The following ZNF821 variants were observed in gnomAD, a reference collection of about 807,000 sequenced individuals.
ZNF821 encodes the protein zinc finger protein 821.
A neutral mutation model predicts 44.3 loss-of-function variants in ZNF821; 16 were observed. The observed-to-expected ratio is 0.36, with a 90% confidence interval of 0.24 to 0.55. ZNF821 has a LOEUF of 0.55. Ranked by LOEUF, ZNF821 falls within the 20% of genes least tolerant of loss-of-function variation. The pLI is 0.86. For missense variants in ZNF821, 436 were observed against 547.6 expected (o/e 0.80, Z 2.03); for synonymous variants, 204 against 197.6 (o/e 1.03, Z -0.27).
At chr16:71,861,475 A>T (rs2033891652) in intron 7 of ZNF821, among the ~76,000 whole-genome samples, 1 of 152,238 alleles carries the variant, frequency 6.6e-6, no homozygotes, top group Admixed American at 6.5e-5. Context: ...CTGCATCCTC[A>T]TGCCAGGGTC....
chr16:71,866,198 G>C (rs555105806), intron 4 of ZNF821, among the ~76,000 whole-genome samples: 7 of 152,298 alleles, frequency 4.6e-5, no homozygotes, highest in Non-Finnish European at 8.8e-5. Flanking sequence ...AGATTTCCTA[G>C]CTAACAGTGT....
upstream of ZNF821, among the ~76,000 whole-genome samples, chr16:71,887,152 T>C (rs2036862303): frequency 6.6e-6 from 1 of 152,226 alleles, no homozygotes; most frequent in Non-Finnish European, 1.5e-5. Flanking sequence ...TGAACATTTG[T>C]GTACAGTTTT....
At chr16:71,868,905 G>A (rs1466490680) in intron 3 of ZNF821, among the ~76,000 whole-genome samples, 1 of 151,918 alleles carries the variant, frequency 6.6e-6, no homozygotes, top group Non-Finnish European at 1.5e-5. Context: ...CTCATGATCC[G>A]CCCGCCTCGG....
chr16:71,888,462 T>TG (rs544063908), upstream of ZNF821, among the ~76,000 whole-genome samples: 200 of 152,036 alleles, frequency 1.3e-3, no homozygotes, highest in African/African-American at 4.7e-3. Flanking sequence ...GAGGCCGGGG[T>TG]GGGGGGCAAT....
At chr16:71,884,968 G>A (rs113896508), upstream of ZNF821, among the ~76,000 whole-genome samples, 2 of 149,918 alleles carry the variant, frequency 1.3e-5, no homozygotes, top group African/African-American at 4.9e-5. Context: ...AGCGATTCTC[G>A]TGCTTCAGCC....
intron 2 of ZNF821, among the ~76,000 whole-genome samples, chr16:71,882,665 C>T (rs751217756): frequency 5.4e-4 from 82 of 151,996 alleles, no homozygotes; most frequent in Non-Finnish European, 9.7e-4. Context: ...AATTACAGTC[C>T]CCTCCCACAC....
chr16:71,859,914 G>T lies in ZNF821; in HGVS notation c.*104C>A, dbSNP rs1376550486. ...AATAAACCCAGGCCTGCCTCTGGCA[G>T]CAAGGACAGGGCCTCGTGGGTGGCA... On this transcript the variant is annotated 3_prime_UTR_variant, in exon 8 of 8. Coordinates refer to ENST00000425432, the MANE Select transcript of ZNF821 (RefSeq NM_001201552.2). 3 of 1,302,854 alleles carry T rather than the reference G, an allele frequency of 2.3e-6. No individual in the cohort carries two copies. Among genetic ancestry groups the T allele is most frequent in the East Asian group, 2.6e-5 (1 of 38,680 alleles). The allele number at this position is 1,302,854 out of a possible 1,614,324, so 80.7% of individuals were successfully genotyped here.
intron 4 of ZNF821, among the ~76,000 whole-genome samples, chr16:71,867,686 CAA>C (rs879563055): frequency 3.6e-5 from 5 of 140,154 alleles, no homozygotes; most frequent in Non-Finnish European, 1.6e-5. Flanking sequence ...AACTCTGTCA[CAA>C]AAAAAAAAAA....
At chr16:71,862,932 C>G (rs2034078444) in intron 6 of ZNF821, among the ~76,000 whole-genome samples, 1 of 151,956 alleles carries the variant, frequency 6.6e-6, no homozygotes, top group South Asian at 2.1e-4. Flanking sequence ...CTCGTTTTGT[C>G]ACCCAGGCTG....
At chr16:71,880,544 G>A (rs1324910182) in intron 2 of ZNF821, 5 of 152,352 alleles carry the variant, frequency 3.3e-5, no homozygotes, top group African/African-American at 1.2e-4. Context: ...GTCTCAAATA[G>A]GCATCTGTAA....
intron 6 of ZNF821, 96 bp downstream of exon 6, chr16:71,864,042 C>T: frequency 1.8e-6 from 2 of 1,089,162 alleles, no homozygotes; most frequent in Non-Finnish European, 2.8e-6. Context: ...AAGACTCCTT[C>T]AGGAGCCAGA....
chr16:71,889,596 C>T (rs764494052), upstream of ZNF821, among the ~76,000 whole-genome samples: 1 of 152,086 alleles, frequency 6.6e-6, no homozygotes, highest in Non-Finnish European at 1.5e-5. Flanking sequence ...GTCACTTGAA[C>T]CTGGGAGGTG....
chr16:71,877,019 G>C (rs576188536), intron 3 of ZNF821, among the ~76,000 whole-genome samples: 1 of 152,260 alleles, frequency 6.6e-6, no homozygotes, highest in East Asian at 1.9e-4. Context: ...GTATTAAGTA[G>C]CCTTTGCACA....
Position 71,860,259 on chromosome 16 carries a change from T to G in ZNF821, c.998A>C (p.Asn333Thr), listed in dbSNP as rs778624976. The change falls in exon 8 of 8, where the codon AAT becomes ACT. Residue 333 changes from asparagine to threonine, a missense_variant. By Grantham distance (65) the Asn-to-Thr change is moderately conservative. Around this residue, in one of 5 missense-constraint regions of ZNF821, gnomAD observed 72 missense variants for 133.3 expected, o/e 0.54. Transcript: ENST00000425432. This position sits in a 1 kb window ranked among gnomAD's most constrained non-coding sequence, Gnocchi z 7.3. ...DREAMRLKRANETPEKRQARL... is the reference protein window; with the variant it reads ...DREAMRLKRATETPEKRQARL... Reference sequence around the variant, plus strand: ...GGCCTGCCGCTTTTCCGGGGTTTCATTGGCCCGCTTCAGCCTCATGGCCTC... The same window carrying G: ...GGCCTGCCGCTTTTCCGGGGTTTCAGTGGCCCGCTTCAGCCTCATGGCCTC... 2 of 1,614,132 alleles carry G rather than the reference T, an allele frequency of 1.2e-6. No individual in the cohort carries two copies. Among genetic ancestry groups the G allele is most frequent in the South Asian group, 1.1e-5 (1 of 91,082 alleles).
At chr16:71,875,697 C>CG (rs896839417) in intron 3 of ZNF821, among the ~76,000 whole-genome samples, 1 of 152,044 alleles carries the variant, frequency 6.6e-6, no homozygotes, top group Non-Finnish European at 1.5e-5. Context: ...CTCCTGACCT[C>CG]GTGATCCGCC....
In ZNF821 at chr16:71,859,978, G is replaced by A. The variant is rs1271192252; in HGVS notation, c.*40C>T. 6.6e-7 allele frequency: 1 copy of A among 1,511,758 alleles called. No homozygotes were observed. The highest frequency in any genetic ancestry group is 8.8e-7 in the Non-Finnish European group (1 of 1,133,242). The allele number at this position is 1,511,758 out of a possible 1,614,324, so 93.6% of individuals were successfully genotyped here. A position where few individuals can be genotyped will look rare whatever the true frequency, so the allele number is the denominator to read the frequency against. ...TCGTGGCTGTGGGTGTGGGTGGGTG[G>A]GTAGGTAGGTGGGAAGGAGGGCAGG... On this transcript the variant is annotated 3_prime_UTR_variant, in exon 8 of 8. Transcript: ENST00000425432.
intron 6 of ZNF821, among the ~76,000 whole-genome samples, 174 bp downstream of exon 6, chr16:71,863,964 C>T (rs1328173879): frequency 6.6e-6 from 1 of 152,232 alleles, no homozygotes; most frequent in Non-Finnish European, 1.5e-5. Context: ...TCCCACAGTG[C>T]TGGGATTACA....
intron 3 of ZNF821, among the ~76,000 whole-genome samples, chr16:71,876,657 G>A (rs1266317183): frequency 6.6e-6 from 1 of 152,106 alleles, no homozygotes; most frequent in Non-Finnish European, 1.5e-5. Context: ...GGAGTGCAGT[G>A]GCATGATCTC....
intron 3 of ZNF821, among the ~76,000 whole-genome samples, chr16:71,873,551 A>C (rs1472446656): frequency 2.0e-5 from 3 of 152,216 alleles, no homozygotes; most frequent in Non-Finnish European, 4.4e-5. Flanking sequence ...ACATAAAAAC[A>C]GTCCTGATAA....
Sources: gnomAD v4.1 joint callset for allele counts (sites outside exome capture counted in the v4.1 genomes callset) on GRCh38, gnomAD v4.1.1 for gene constraint, gnomAD v4.1.1 regional missense constraint, Gnocchi (gnomAD v3.1) non-coding constraint, MANE v1.5 for transcripts, NCBI Gene and HGNC (gene_info 2026-07-23, HGNC 2026-07-21) for gene names.